PDIA5: variants seen among roughly 807,000 people sequenced by gnomAD.
The protein encoded by PDIA5 is protein disulfide isomerase family A member 5, also known as protein disulfide-isomerase A5.
PDIA5 carries 58 observed loss-of-function variants against 77.6 expected under a neutral mutation model. The ratio of observed to expected loss-of-function variants is 0.75; its 90% CI spans 0.61 to 0.93. The LOEUF is 0.93. Among genes scored for constraint, PDIA5 ranks in the 40% least tolerant of loss-of-function variants. The pLI is 0.00. For synonymous variants in PDIA5, 250 were observed against 252.1 expected (o/e 0.99, Z 0.08); for missense variants, 630 against 647.7 (o/e 0.97, Z 0.30).
At position 123,087,128 on chromosome 3, in the gene PDIA5, C is replaced by G. The variant is rs148699971; in HGVS notation, c.43-2040C>G. ...TTTTATTCATGATGCTGGGCCCTGC[C>G]AACTGAAGACTCATATCCTTCAGTT... On this transcript the variant is annotated intron_variant, in intron 1 of 16. Coordinates refer to ENST00000316218, the MANE Select transcript of PDIA5 (RefSeq NM_006810.4). Among the ~76,000 whole-genome samples the G allele has an allele frequency of 5.5e-4, 84 of 152,234 alleles. 1 individual carries two copies. In the East Asian group the frequency reaches 0.01, roughly 19 times the overall value.
chr3:123,079,742 C>CA (rs1229044086), intron 1 of PDIA5, among the ~76,000 whole-genome samples: 1 of 152,096 alleles, frequency 6.6e-6, no homozygotes, highest in East Asian at 1.9e-4. Flanking sequence ...TAAATTGTGC[C>CA]AGCTACCTTT....
chr3:123,156,855 A>G (rs999624204), intron 15 of PDIA5, among the ~76,000 whole-genome samples: 3 of 152,138 alleles, frequency 2.0e-5, no homozygotes, highest in Non-Finnish European at 4.4e-5. Flanking sequence ...CTTTCTGCCC[A>G]CTAGACCGCC....
chr3:123,143,467 A>T (rs181166004), intron 11 of PDIA5, among the ~76,000 whole-genome samples: 2,121 of 151,006 alleles, frequency 0.014, 23 homozygotes, highest in Non-Finnish European at 0.022. Flanking sequence ...TACAATATGT[A>T]ATAGGGCTAC....
chr3:123,111,217 A>C (rs1466591885), intron 7 of PDIA5, among the ~76,000 whole-genome samples: 1 of 152,070 alleles, frequency 6.6e-6, no homozygotes, highest in Admixed American at 6.5e-5. Flanking sequence ...TTCTGTCTCC[A>C]GTAGAATCTG....
chr3:123,090,890 A>G (rs1934266440), intron 2 of PDIA5, among the ~76,000 whole-genome samples: 1 of 152,020 alleles, frequency 6.6e-6, no homozygotes, highest in South Asian at 2.1e-4. Flanking sequence ...AATTATTTTA[A>G]CTTCCTGCCT....
At position 123,116,433 on chromosome 3, in the gene PDIA5, C is replaced by T. The variant is rs115168421; in HGVS notation, c.609+135C>T. On this transcript the variant is annotated intron_variant, in intron 8 of 16. Coordinates refer to ENST00000316218, the MANE Select transcript of PDIA5 (RefSeq NM_006810.4). ...CCTGCTGCCTGGGCCGTTGCTGAATCGCAGCCTTGCATGGAGCTCAGAGAC... is the reference window on the plus strand; with the variant it reads ...CCTGCTGCCTGGGCCGTTGCTGAATTGCAGCCTTGCATGGAGCTCAGAGAC... 1,004 of 676,824 alleles carry T rather than the reference C, an allele frequency of 1.5e-3. 6 individuals are homozygous for T. The highest frequency in any genetic ancestry group is 0.014 in the African/African-American group (779 of 56,820). The allele number at this position is 676,824 out of a possible 1,614,324, so 41.9% of individuals were successfully genotyped here.
At chr3:123,115,924 T>C (rs978414307) in intron 7 of PDIA5, among the ~76,000 whole-genome samples, 1 of 152,268 alleles carries the variant, frequency 6.6e-6, no homozygotes, top group African/African-American at 2.4e-5. Flanking sequence ...GTTGAATTCA[T>C]TATCAGTGCT....
chr3:123,122,601 GGAAGAT>G (rs1935146457), intron 8 of PDIA5, among the ~76,000 whole-genome samples: 1 of 152,210 alleles, frequency 6.6e-6, no homozygotes, highest in African/African-American at 2.4e-5. Flanking sequence ...AGACTTGGTA[GGAAGAT>G]GACAGTTACT....
intron 7 of PDIA5, among the ~76,000 whole-genome samples, chr3:123,113,228 T>C (rs539987292): frequency 6.6e-6 from 1 of 152,182 alleles, no homozygotes; most frequent in African/African-American, 2.4e-5. Context: ...TGTATATCAA[T>C]ATGCAGTGCG....
At chr3:123,102,201 C>T (rs536204084) in intron 3 of PDIA5, among the ~76,000 whole-genome samples, 5 of 152,230 alleles carry the variant, frequency 3.3e-5, no homozygotes, top group Admixed American at 6.5e-5. Flanking sequence ...TGAGCCCCCA[C>T]GCCCAGCCTC....
chr3:123,137,144 GT>G (rs1935521710), intron 11 of PDIA5, among the ~76,000 whole-genome samples: 1 of 152,186 alleles, frequency 6.6e-6, no homozygotes, highest in Non-Finnish European at 1.5e-5. Context: ...CTACAGAAAG[GT>G]TTTCCCAAAC....
chr3:123,070,613 GCT>G (rs1208384629), intron 1 of PDIA5, among the ~76,000 whole-genome samples: 1 of 152,184 alleles, frequency 6.6e-6, no homozygotes, highest in Admixed American at 6.5e-5. Context: ...CCTGCCAAGT[GCT>G]CCTGGACACA....
At chr3:123,105,929 T>A (rs1476249224) in intron 5 of PDIA5, among the ~76,000 whole-genome samples, 4 of 151,922 alleles carry the variant, frequency 2.6e-5, no homozygotes, top group Non-Finnish European at 5.9e-5. Flanking sequence ...CCAGTGAGAG[T>A]GGCAGAGGAT....
At chr3:123,113,491 G>A (rs1280331378) in intron 7 of PDIA5, among the ~76,000 whole-genome samples, 1 of 152,212 alleles carries the variant, frequency 6.6e-6, no homozygotes, top group Non-Finnish European at 1.5e-5. Context: ...GGTGGTAGGG[G>A]AGGGAGGAGA....
intron 1 of PDIA5, among the ~76,000 whole-genome samples, chr3:123,078,071 G>T (rs189784270): frequency 2.4e-3 from 361 of 152,302 alleles, no homozygotes; most frequent in African/African-American, 8.3e-3. Flanking sequence ...GCCTCCCAAA[G>T]TGCTGGGATT....
chr3:123,131,167 G>A (rs953822024), intron 11 of PDIA5, among the ~76,000 whole-genome samples: 2 of 152,190 alleles, frequency 1.3e-5, no homozygotes, highest in African/African-American at 2.4e-5. Flanking sequence ...CTACTCAGGA[G>A]GCTGAGGTGG....
intron 10 of PDIA5, among the ~76,000 whole-genome samples, chr3:123,126,054 T>G (rs1935240237): frequency 6.6e-6 from 1 of 152,240 alleles, no homozygotes; most frequent in African/African-American, 2.4e-5. Flanking sequence ...TAACCTTTTC[T>G]GATTTCAAAA....
intron 11 of PDIA5, 142 bp downstream of exon 11, chr3:123,130,758 C>T (rs1661534613): frequency 3.4e-6 from 3 of 879,272 alleles, no homozygotes; most frequent in Admixed American, 2.2e-5. Flanking sequence ...GCAGTGGTGA[C>T]AGGCGAGGTC....
chr3:123,158,260 G>A (rs1936065705), intron 15 of PDIA5, among the ~76,000 whole-genome samples: 3 of 152,198 alleles, frequency 2.0e-5, no homozygotes, highest in African/African-American at 7.2e-5. Flanking sequence ...GCTCAACTAG[G>A]TATTGTTACA....
Sources: allele counts gnomAD v4.1 joint callset (sites outside exome capture counted in the v4.1 genomes callset), GRCh38; gene constraint gnomAD v4.1.1; transcripts MANE v1.5; gene names NCBI Gene and HGNC (gene_info 2026-07-23, HGNC 2026-07-21).